The following ZNF528 variants were observed in gnomAD, a reference collection of about 807,000 sequenced individuals.
ZNF528 encodes zinc finger protein 528.
ZNF528 carries 9 observed loss-of-function variants against 13.3 expected under a neutral mutation model. The observed-to-expected ratio is 0.67, with a 90% CI of 0.41 to 1.18. The LOEUF (loss-of-function observed/expected upper bound fraction) is 1.18. Among genes scored for constraint, ZNF528 ranks in the 50% most tolerant of loss-of-function variants. ZNF528 has a pLI of 0.01. For missense variants in ZNF528, 858 were observed against 745.4 expected (o/e 1.15, Z -1.76); for synonymous variants, 264 against 254.3 (o/e 1.04, Z -0.36).
Position 52,416,168 on chromosome 19 carries a change from G to C in ZNF528, c.1316G>C (p.Cys439Ser). 1 of 1,614,016 alleles carries C rather than the reference G, an allele frequency of 6.2e-7. No homozygotes were observed. The highest frequency in any genetic ancestry group is 8.5e-7 in the Non-Finnish European group (1 of 1,179,986). Residue 439 changes from cysteine to serine, a missense_variant, in exon 7 of 7, where the codon TGT becomes TCT. Cys to Ser is a moderately radical substitution (Grantham distance 112, BLOSUM62 -1). Coordinates refer to ENST00000360465, the MANE Select transcript of ZNF528 (RefSeq NM_032423.3). ...CATACTGATGAGAAGCCTTACAAAT[G>C]TAATAAATGTGGCACAGCGTTTAGA... ...KTHTDEKPYK[C>S]NKCGTAFREF...
In ZNF528 at chr19:52,412,133, A is replaced by G. The variant is rs533482759; in HGVS notation, c.272-2991A>G. The G allele has an allele frequency of 1.8e-3, 279 of 152,324 alleles. 1 individual carries two copies. Among genetic ancestry groups the G allele is most frequent in the African/African-American group, 6.5e-3 (271 of 41,566 alleles). 9.4% of individuals were successfully genotyped at this position (152,324 alleles called of 1,614,324 possible). On this transcript the variant is annotated intron_variant, in intron 6 of 6. Coordinates refer to ENST00000360465, the MANE Select transcript of ZNF528 (RefSeq NM_032423.3). The stretch of plus-strand genomic sequence containing the variant: ...TTAGAGGCTATGGATTGGGATAGAT[A>G]AGTTTCCTATGTAGTTGTGCTCCCA...
In ZNF528 at chr19:52,416,570, A is replaced by G. The variant is rs1233084142; in HGVS notation, c.1718A>G (p.Glu573Gly). ...ACTGCCCATCTTGCAATCCATACTG[A>G]AAAGAAATCTCATGAGTGTAAAGAA... Reference protein sequence around the residue: ...GLTAHLAIHTEKKSHECKECG... With the variant: ...GLTAHLAIHTGKKSHECKECG... Residue 573 changes from glutamate (E) to glycine (G), a missense_variant, in exon 7 of 7, where the codon GAA becomes GGA. Transcript: ENST00000360465. The G allele has an allele frequency of 1.2e-6, 2 of 1,614,014 alleles. No homozygotes were observed. The highest frequency in any genetic ancestry group is 2.2e-5 in the East Asian group (1 of 44,890).
At position 52,416,115 on chromosome 19, in the gene ZNF528, A is replaced by G. The variant is rs1599844646; in HGVS notation, c.1263A>G (p.Lys421=). The G allele has an allele frequency of 1.2e-6, 2 of 1,613,970 alleles. No individual in the cohort carries two copies. Among genetic ancestry groups the G allele is most frequent in the Non-Finnish European group, 1.7e-6 (2 of 1,180,000 alleles). The change falls in exon 7 of 7, where the codon AAA becomes AAG. Residue 421 remains lysine (K), a synonymous_variant. Transcript: ENST00000360465. ...CSQCGKIFSQ[K]SDLIRHRKTH... is the part of the protein sequence containing the mutation. ...AGTGTGGCAAGATCTTTAGTCAGAA[A>G]TCAGACCTTATACGACATCGAAAAA...
chr19:52,415,114 T>C lies in ZNF528; in HGVS notation c.272-10T>C, dbSNP rs2058983078. 3 of 1,609,584 alleles carry C rather than the reference T, an allele frequency of 1.9e-6. No individual in the cohort carries two copies. Among genetic ancestry groups the C allele is most frequent in the Non-Finnish European group, 1.7e-6 (2 of 1,177,788 alleles). ...TGGGTTGAAGTTCCACTTTTTTCTT[T>C]CTGTTTTAGAGAGGAGCTCTAAATT... On this transcript the variant is annotated splice_polypyrimidine_tract_variant and intron_variant, in intron 6 of 6. Transcript: ENST00000360465.
In ZNF528 at chr19:52,401,723, A is replaced by G; in HGVS notation, c.-98A>G. ...AAGAAAGGGAGAATAAAGTGAAAAA[A>G]ATCTCAGAAGGAATCCACTCAACAG... On this transcript the variant is annotated 5_prime_UTR_variant, in exon 3 of 7. Transcript: ENST00000360465. The G allele has an allele frequency of 1.4e-6, 2 of 1,429,990 alleles. No homozygotes were observed. The highest frequency in any genetic ancestry group is 1.8e-6 in the Non-Finnish European group (2 of 1,083,548). 88.6% of individuals were successfully genotyped at this position (1,429,990 alleles called of 1,614,324 possible). A position where few individuals can be genotyped will look rare whatever the true frequency, so the allele number is the denominator to read the frequency against.
At chr19:52,406,383 A>C (rs2058856378) in intron 5 of ZNF528, 132 bp from the exon 6 acceptor site, 2 of 1,354,834 alleles carry the variant, frequency 1.5e-6, no homozygotes, top group Non-Finnish European at 2.0e-6. Flanking sequence ...AGCATTCAGA[A>C]AGAGGCAGTC....
intron 6 of ZNF528, chr19:52,414,184 A>G (rs752712060): frequency 7.0e-5 from 49 of 702,182 alleles, no homozygotes; most frequent in South Asian, 6.8e-4. Context: ...AGGTTTCCCC[A>G]TTCACCTTGT....
Position 52,399,820 on chromosome 19 carries a change from C to G in ZNF528, c.-137+1201C>G, listed in dbSNP as rs556410414. Among the ~76,000 whole-genome samples, 4 of 152,246 alleles carry G rather than the reference C, an allele frequency of 2.6e-5. No homozygotes were observed. In the East Asian group the frequency reaches 7.7e-4, roughly 29 times the overall value. The stretch of plus-strand genomic sequence containing the variant: ...AAAGTAATATGGGAATTACTTGTCA[C>G]CAACAAGCAGTTCTTCGTCAGACAG... On this transcript the variant is annotated intron_variant, in intron 2 of 6. Coordinates refer to ENST00000360465, the MANE Select transcript of ZNF528 (RefSeq NM_032423.3).
rs776954199 is a variant in ZNF528, at chr19:52,415,874, C to G, written c.1022C>G (p.Ala341Gly). 6.2e-7 allele frequency: 1 copy of G among 1,613,858 alleles called. No individual in the cohort carries two copies. The highest frequency in any genetic ancestry group is 8.5e-7 in the Non-Finnish European group (1 of 1,179,926). Residue 341 changes from alanine (A) to glycine (G), a missense_variant, in exon 7 of 7, where the codon GCA (alanine) becomes GGA (glycine). Ala to Gly is a moderately conservative substitution (Grantham distance 60). Transcript: ENST00000360465. ...GKVFSRHSYL[A>G]EHQTVHTGEK... ...GTCTTTAGTCGCCATTCATATCTAGCAGAACATCAAACGGTTCATACTGGT... is the reference window on the plus strand; with the variant it reads ...GTCTTTAGTCGCCATTCATATCTAGGAGAACATCAAACGGTTCATACTGGT...
chr19:52,408,136 AT>A (rs2058882095), intron 6 of ZNF528: 1 of 151,796 alleles, frequency 6.6e-6, no homozygotes, highest in Non-Finnish European at 1.5e-5. Context: ...TTATGTTCCC[AT>A]TAACATATGT....
Position 52,416,523 on chromosome 19 carries a change from A to C in ZNF528, c.1671A>C (p.Ala557=), listed in dbSNP as rs775926025. ...RPYRCSKCGK[A]FRGCSGLTAH... ...ACAGATGTAGTAAATGTGGCAAAGC[A>C]TTTCGAGGGTGTTCAGGCCTTACTG... Residue 557 remains alanine, a synonymous_variant, in exon 7 of 7, where the codon GCA becomes GCC. Transcript: ENST00000360465. 1 of 1,614,112 alleles carries C rather than the reference A, an allele frequency of 6.2e-7. No homozygotes were observed. Among genetic ancestry groups the C allele is most frequent in the East Asian group, 2.2e-5 (1 of 44,880 alleles).
In ZNF528 at chr19:52,417,206, A is replaced by G. The variant is rs2059014762; in HGVS notation, c.*467A>G. The G allele has an allele frequency of 1.4e-5, 4 of 287,690 alleles. No homozygotes were observed. Among genetic ancestry groups the G allele is most frequent in the Admixed American group, 1.4e-4 (3 of 22,216 alleles). The allele number at this position is 287,690 out of a possible 1,614,324, so 17.8% of individuals were successfully genotyped here. ...TTCGAAATCTTTTCATGTGCCTTCC[A>G]TACAGGCCATTCACTGTGGTCCCTG... On this transcript the variant is annotated 3_prime_UTR_variant, in exon 7 of 7. Coordinates refer to ENST00000360465, the MANE Select transcript of ZNF528 (RefSeq NM_032423.3).
At chr19:52,403,590 G>T (rs1016150328) in intron 4 of ZNF528, among the ~76,000 whole-genome samples, 1 of 149,344 alleles carries the variant, frequency 6.7e-6, no homozygotes, top group Non-Finnish European at 1.5e-5. Flanking sequence ...AGCCTCAGAG[G>T]TGGAGATTGT....
rs1250365617 is a variant in ZNF528 at position 52,417,227 on chromosome 19, C to T, written c.*488C>T. The T allele has an allele frequency of 3.4e-6, 1 of 295,922 alleles. No homozygotes were observed. The highest frequency in any genetic ancestry group is 6.6e-6 in the Non-Finnish European group (1 of 151,060). The allele number at this position is 295,922 out of a possible 1,614,324, so 18.3% of individuals were successfully genotyped here. A position where few individuals can be genotyped will look rare whatever the true frequency, so the allele number is the denominator to read the frequency against. On this transcript the variant is annotated 3_prime_UTR_variant, in exon 7 of 7. Coordinates refer to ENST00000360465, the MANE Select transcript of ZNF528 (RefSeq NM_032423.3). ...TTCCATACAGGCCATTCACTGTGGT[C>T]CCTGGGAAAGAATCAGTAGGATGAC... is the stretch of plus-strand genomic sequence containing the variant.
At position 52,415,663 on chromosome 19, in the gene ZNF528, T is replaced by C. The variant is rs1385462448; in HGVS notation, c.811T>C (p.Cys271Arg). 9.3e-6 allele frequency: 15 copies of C among 1,614,086 alleles called. No homozygotes were observed. The highest frequency in any genetic ancestry group is 1.3e-5 in the Non-Finnish European group (15 of 1,180,036). Residue 271 changes from cysteine (C) to arginine (R), a missense_variant, in exon 7 of 7, where the codon TGT (cysteine) becomes CGT (arginine). By Grantham distance (180) the Cys-to-Arg change is radical. Coordinates refer to ENST00000360465, the MANE Select transcript of ZNF528 (RefSeq NM_032423.3). The stretch of plus-strand genomic sequence containing the variant: ...TCATACTGGAGAGAAGCCTTACAAA[T>C]GTCATGAATGTGACAAGGTCTTTCG... ...RIHTGEKPYK[C>R]HECDKVFRSS... is the part of the protein sequence containing the mutation.
chr19:52,412,215 A>G (rs1568428365), intron 6 of ZNF528: 1 of 152,246 alleles, frequency 6.6e-6, no homozygotes, highest in African/African-American at 2.4e-5. Flanking sequence ...TGCAGGGAAT[A>G]AGCAATAGCT....
At chr19:52,405,852 G>A in intron 4 of ZNF528, 55 bp from the exon 5 acceptor site, 16 of 1,594,014 alleles carry the variant, frequency 1.0e-5, no homozygotes, top group Non-Finnish European at 1.3e-5. Flanking sequence ...CCCATTCTTT[G>A]TGACGATGAG....
chr19:52,417,430 G>T lies in ZNF528; in HGVS notation c.*691G>T, dbSNP rs114024030. ...CACTTTCTCCTGACATAAGTGCACAGAGCTTCAGTGTCCACCAACTGACCA... is the reference window on the plus strand; with the variant it reads ...CACTTTCTCCTGACATAAGTGCACATAGCTTCAGTGTCCACCAACTGACCA... On this transcript the variant is annotated 3_prime_UTR_variant, in exon 7 of 7. Transcript: ENST00000360465. 706 of 160,652 alleles carry T rather than the reference G, an allele frequency of 4.4e-3. 14 individuals carry two copies. Among genetic ancestry groups the T allele is most frequent in the African/African-American group, 0.016 (658 of 41,624 alleles). The allele number at this position is 160,652 out of a possible 1,614,324, so 10.0% of individuals were successfully genotyped here. A position where few individuals can be genotyped will look rare whatever the true frequency, so the allele number is the denominator to read the frequency against.
chr19:52,410,623 G>A (rs1257513948), intron 6 of ZNF528, among the ~76,000 whole-genome samples: 2 of 152,154 alleles, frequency 1.3e-5, no homozygotes, highest in Non-Finnish European at 2.9e-5. Flanking sequence ...TCCCCTTTGT[G>A]TTTATGTATT....
Sources: allele counts gnomAD v4.1 joint callset (sites outside exome capture counted in the v4.1 genomes callset), GRCh38; gene constraint gnomAD v4.1.1; transcripts MANE v1.5; gene names NCBI Gene and HGNC (gene_info 2026-07-23, HGNC 2026-07-21).